Variants in NSD1 observed in about 807,000 individuals in gnomAD.
NSD1 encodes the protein histone-lysine N-methyltransferase, H3 lysine-36 specific.
A neutral mutation model predicts 242.7 loss-of-function variants in NSD1; 26 were observed. The ratio of observed to expected loss-of-function variants is 0.11; its 90% CI spans 0.08 to 0.15. The LOEUF (loss-of-function observed/expected upper bound fraction) is 0.15, where lower values mean the gene tolerates loss of function less well. Among genes scored for constraint, NSD1 ranks in the 10% least tolerant of loss-of-function variants. The pLI is 1.00. For missense variants in NSD1, 2,495 were observed against 3,272.8 expected, an observed-to-expected ratio of 0.76 and a Z score of 5.80; for synonymous variants, 1,106 against 1,178.1, an observed-to-expected ratio of 0.94 and a Z score of 1.25.
intron 14 of NSD1, chr5:177,265,454 C>A: frequency 1.6e-6 from 1 of 617,296 alleles, no homozygotes; most frequent in Non-Finnish European, 2.9e-6. Flanking sequence ...ATCCCCCCAG[C>A]CCAGGCCCCT....
chr5:177,158,847 C>G (rs1581160463), intron 2 of NSD1, among the ~76,000 whole-genome samples: 1 of 124,790 alleles, frequency 8.0e-6, no homozygotes, highest in South Asian at 2.6e-4. Flanking sequence ...GAAGTAATGG[C>G]AAAAACTGGA....
At chr5:177,154,669 AG>A (rs1279967324) in intron 2 of NSD1, among the ~76,000 whole-genome samples, 1 of 151,976 alleles carries the variant, frequency 6.6e-6, no homozygotes, top group African/African-American at 2.4e-5. Flanking sequence ...TTTCCATTTT[AG>A]AGCATAGCTT....
intron 14 of NSD1, among the ~76,000 whole-genome samples, chr5:177,263,533 G>C (rs996544494): frequency 1.3e-5 from 2 of 152,186 alleles, no homozygotes; most frequent in African/African-American, 4.8e-5. Flanking sequence ...TTTCACCTTA[G>C]AAGTTTCTTG....
Position 177,210,084 on chromosome 5 carries a change from A to G in NSD1, c.1685A>G (p.Asn562Ser). The change falls in exon 5 of 23, where the codon AAC becomes AGC. Residue 562 changes from asparagine (N) to serine (S), a missense_variant. Physicochemically the swap from Asn to Ser is conservative, Grantham distance 46. Transcript: ENST00000439151. ...SRIANSLTGSNTAPGSFLFSS... is the reference protein window; with the variant it reads ...SRIANSLTGSSTAPGSFLFSS... ...ATAGCAAATAGCCTCACAGGGTCCA[A>G]CACTGCCCCAGGAAGTTTTCTGTTT... 1.9e-6 allele frequency: 3 copies of G among 1,613,806 alleles called. No homozygotes were observed. The South Asian group carries it at 3.3e-5, about 18-fold the overall frequency.
chr5:177,241,526 A>G (rs757829911), intron 8 of NSD1, among the ~76,000 whole-genome samples: 4 of 151,990 alleles, frequency 2.6e-5, no homozygotes, highest in Non-Finnish European at 4.4e-5. Context: ...AAAAGAAAAA[A>G]TACTCCCTGA....
rs552942261 is a variant in NSD1, at chr5:177,290,688, C to T, written c.6259-1266C>T. 5.3e-5 allele frequency among the ~76,000 whole-genome samples: 8 copies of T among 152,314 alleles called. No homozygotes were observed. In the South Asian group the frequency reaches 1.5e-3, roughly 28 times the overall value. ...CCTCCCAAAGTGCTGGGATTACAGG[C>T]GTGAGCCACTGCGCCTGGCCAGAAA... is the stretch of plus-strand genomic sequence containing the variant. On this transcript the variant is annotated intron_variant, in intron 21 of 22. Transcript: ENST00000439151.
At chr5:177,254,990 A>C (rs540028232) in intron 12 of NSD1, among the ~76,000 whole-genome samples, 1 of 152,204 alleles carries the variant, frequency 6.6e-6, no homozygotes, top group East Asian at 1.9e-4. Flanking sequence ...TTTTCCTGCA[A>C]TAGGGTGGTC....
At chr5:177,159,030 G>GATATATATATAT (rs35942745) in intron 2 of NSD1, among the ~76,000 whole-genome samples, 2 of 113,868 alleles carry the variant, frequency 1.8e-5, no homozygotes, top group African/African-American at 8.5e-5. Context: ...ATATATGAAT[G>GATATATATATAT]ATATATATAT....
At chr5:177,242,523 T>TTATTTATC in intron 8 of NSD1, among the ~76,000 whole-genome samples, 1 of 151,056 alleles carries the variant, frequency 6.6e-6, no homozygotes, top group African/African-American at 2.4e-5. Context: ...TATTATTTAT[T>TTATTTATC]TATTTATTTA....
At chr5:177,171,408 C>T (rs563481076) in intron 2 of NSD1, among the ~76,000 whole-genome samples, 55 of 152,120 alleles carry the variant, frequency 3.6e-4, no homozygotes, top group Admixed American at 1.2e-3. Context: ...TCTCTACATC[C>T]CTCTATTTGA....
rs2149756010 is a variant in NSD1, at chr5:177,135,512, G to A, written c.409G>A (p.Glu137Lys). Residue 137 changes from glutamate to lysine, a missense_variant, in exon 2 of 23, where the codon GAA becomes AAA. This residue lies in a region of NSD1 where 376 missense variants were observed against 367.4 expected (regional missense o/e 1.02). Transcript: ENST00000439151. Reference sequence around the variant, plus strand: ...GGAACCCTCTTGTAATAACTCCCCTGAACTCCAGGTAAAAGTAACAAAGAC... The same window carrying A: ...GGAACCCTCTTGTAATAACTCCCCTAAACTCCAGGTAAAAGTAACAAAGAC... ...KQEPSCNNSP[E>K]LQVKVTKTIK... 1 of 1,614,154 alleles carries A rather than the reference G, an allele frequency of 6.2e-7. No homozygotes were observed.
intron 13 of NSD1, among the ~76,000 whole-genome samples, chr5:177,258,452 ACTGT>A (rs2149915526): frequency 1.3e-5 from 2 of 151,906 alleles, no homozygotes; most frequent in East Asian, 3.9e-4. Context: ...GTTTTCCAAA[ACTGT>A]CTGTGCATAT....
At chr5:177,173,073 C>G (rs1253244403) in intron 2 of NSD1, among the ~76,000 whole-genome samples, 3 of 150,738 alleles carry the variant, frequency 2.0e-5, no homozygotes, top group Non-Finnish European at 4.4e-5. Context: ...GTGGGCAGAT[C>G]ACGAGGTCAG....
rs1760313191 is a variant in NSD1 at position 177,297,268 on chromosome 5, CCTCT to C, written c.*1816_*1819del. The stretch of plus-strand genomic sequence containing the variant: ...CACCTGCCTAGTTCTCCCCTTTCAT[CCTCT>C]CTCTCTTCCCACATCATCAAAGAGG... On this transcript the variant is annotated 3_prime_UTR_variant, in exon 23 of 23. Coordinates refer to ENST00000439151, the MANE Select transcript of NSD1 (RefSeq NM_022455.5). 4.3e-6 allele frequency: 1 copy of C among 231,672 alleles called. No homozygotes were observed. The highest frequency in any genetic ancestry group is 5.6e-5 in the Admixed American group (1 of 17,712). 14.4% of individuals were successfully genotyped at this position (231,672 alleles called of 1,614,324 possible).
intron 3 of NSD1, among the ~76,000 whole-genome samples, chr5:177,202,082 C>A (rs1762550768): frequency 6.6e-6 from 1 of 151,678 alleles, no homozygotes; most frequent in African/African-American, 2.4e-5. Flanking sequence ...GCGGGAGAAT[C>A]GCTTGAACCT....
At chr5:177,291,892 C>G in intron 21 of NSD1, 62 bp from the exon 22 acceptor site, 2 of 1,479,550 alleles carry the variant, frequency 1.4e-6, no homozygotes, top group South Asian at 2.4e-5. Context: ...GGGTAGTTAA[C>G]CCGGTTAAGA....
In NSD1 at chr5:177,246,685, C is replaced by A. The variant is rs776711140; in HGVS notation, c.4386C>A (p.Thr1462=). Reference sequence around the variant, plus strand: ...CCTATTTTCCTGTCATAGGCACTACCAAGATATTTGACAAGCCAAGGAAGC... The same window carrying A: ...CCTATTTTCCTGTCATAGGCACTACAAAGATATTTGACAAGCCAAGGAAGC... ...SYSKDFGGGT[T]KIFDKPRKRK... Residue 1462 remains threonine, a synonymous_variant, in exon 10 of 23, where the codon ACC becomes ACA. Transcript: ENST00000439151. The A allele has an allele frequency of 5.0e-6, 8 of 1,612,586 alleles. No individual in the cohort carries two copies. Among genetic ancestry groups the A allele is most frequent in the African/African-American group, 1.3e-5 (1 of 74,958 alleles).
At position 177,211,562 on chromosome 5, in the gene NSD1, A is replaced by G. The variant is rs1485058202; in HGVS notation, c.3163A>G (p.Lys1055Glu). The G allele has an allele frequency of 6.2e-7, 1 of 1,614,132 alleles. No homozygotes were observed. Among genetic ancestry groups the G allele is most frequent in the Non-Finnish European group, 8.5e-7 (1 of 1,180,034 alleles). The change falls in exon 5 of 23, where the codon AAA (lysine) becomes GAA (glutamate). Residue 1055 changes from lysine to glutamate, a missense_variant. By Grantham distance (56) the Lys-to-Glu change is moderately conservative (BLOSUM62 1). Around this residue, in one of 19 missense-constraint regions of NSD1, gnomAD observed 426 missense variants for 411.4 expected, o/e 1.04. Coordinates refer to ENST00000439151, the MANE Select transcript of NSD1 (RefSeq NM_022455.5). ...RKALKTERKR[K>E]LNQLPSVTLD... ...AGCCTTAAAGACCGAGCGCAAAAGA[A>G]AACTGAATCAGCTTCCAAGTGTGAC... is the stretch of plus-strand genomic sequence containing the variant.
intron 5 of NSD1, chr5:177,220,900 T>C (rs1764183260): frequency 5.5e-6 from 2 of 364,138 alleles, no homozygotes; most frequent in South Asian, 4.0e-5. Context: ...GCTCTCCCTC[T>C]GTCATCCAGG....
Sources: gnomAD v4.1 joint callset for allele counts (sites outside exome capture counted in the v4.1 genomes callset) on GRCh38, gnomAD v4.1.1 for gene constraint, gnomAD v4.1.1 regional missense constraint, MANE v1.5 for transcripts, NCBI Gene and HGNC (gene_info 2026-07-23, HGNC 2026-07-21) for gene names.